The following ATP10B variants were observed in gnomAD, a reference collection of about 807,000 sequenced individuals.
ATP10B encodes the protein ATPase phospholipid transporting 10B (putative).
In ATP10B, 122 loss-of-function variants were observed where a neutral mutation model predicts 141.2. That is an observed-to-expected ratio of 0.86 (90% CI 0.75 to 1.00). The LOEUF is 1.00. ATP10B is among the 50% of genes least tolerant of loss of function. The pLI, the probability that ATP10B is intolerant of heterozygous loss-of-function variation, is 0.00. For synonymous variants in ATP10B, 685 were observed against 692.0 expected, an observed-to-expected ratio of 0.99 and a Z score of 0.16; for missense variants, 1,876 against 1,825.3, an observed-to-expected ratio of 1.03 and a Z score of -0.51.
intron 1 of ATP10B, among the ~76,000 whole-genome samples, chr5:160,801,364 G>A (rs1772359976): frequency 6.6e-6 from 1 of 152,094 alleles, no homozygotes; most frequent in South Asian, 2.1e-4. Context: ...GCCTCTCCTT[G>A]TATCACCTAT....
intron 1 of ATP10B, among the ~76,000 whole-genome samples, chr5:160,850,593 G>T (rs753141511): frequency 2.6e-5 from 4 of 152,196 alleles, no homozygotes; most frequent in South Asian, 4.1e-4. Context: ...TCAGAGCTCC[G>T]TTCCTTTGAA....
chr5:160,855,692 C>A (rs1392481922), upstream of ATP10B, among the ~76,000 whole-genome samples: 1 of 151,610 alleles, frequency 6.6e-6, no homozygotes, highest in Non-Finnish European at 1.5e-5. Flanking sequence ...AAATATTTAT[C>A]CTATTTCTCT....
the ATP10B span, among the ~76,000 whole-genome samples, chr5:160,878,351 T>A: frequency 1.3e-5 from 2 of 151,652 alleles, no homozygotes; most frequent in South Asian, 2.1e-4. Context: ...TGAAACTGGA[T>A]CCCTTCCTTA....
the ATP10B span, among the ~76,000 whole-genome samples, chr5:160,858,926 C>A: frequency 4.0e-5 from 6 of 151,772 alleles, no homozygotes; most frequent in Non-Finnish European, 7.4e-5. Flanking sequence ...TGAAACGTGT[C>A]ATAATTTTTA....
chr5:160,836,800 G>A (rs1775465737), intron 1 of ATP10B, among the ~76,000 whole-genome samples: 1 of 151,942 alleles, frequency 6.6e-6, no homozygotes, highest in African/African-American at 2.4e-5. Context: ...CTTCCTTCAA[G>A]GAGCCTCCCT....
intron 2 of ATP10B, among the ~76,000 whole-genome samples, chr5:160,770,944 T>C (rs1203768683): frequency 6.6e-6 from 1 of 152,210 alleles, no homozygotes; most frequent in African/African-American, 2.4e-5. Context: ...GTGGACACCA[T>C]ACACTAGGTC....
chr5:160,723,651 C>G (rs536520688), intron 2 of ATP10B, among the ~76,000 whole-genome samples: 1 of 152,164 alleles, frequency 6.6e-6, no homozygotes, highest in Non-Finnish European at 1.5e-5. Flanking sequence ...CTCTCTCGCT[C>G]TCTTTTCCTG....
At chr5:160,917,705 T>G in the ATP10B span, among the ~76,000 whole-genome samples, 23 of 152,250 alleles carry the variant, frequency 1.5e-4, no homozygotes, top group East Asian at 4.1e-3. Flanking sequence ...CAGATTCAGG[T>G]GAGACATATT....
chr5:160,754,668 TGTTA>T (rs1446747981), intron 2 of ATP10B, among the ~76,000 whole-genome samples: 2 of 152,204 alleles, frequency 1.3e-5, no homozygotes, highest in East Asian at 3.9e-4. Flanking sequence ...ATTATTGCCT[TGTTA>T]GTTCTTTGTG....
chr5:160,824,437 G>A (rs1427680379), intron 1 of ATP10B, among the ~76,000 whole-genome samples: 1 of 152,218 alleles, frequency 6.6e-6, no homozygotes, highest in Non-Finnish European at 1.5e-5. Flanking sequence ...TCCCAGGCAA[G>A]AGGCATGCCA....
At chr5:160,837,109 T>C (rs1775492362) in intron 1 of ATP10B, among the ~76,000 whole-genome samples, 1 of 152,156 alleles carries the variant, frequency 6.6e-6, no homozygotes, top group Admixed American at 6.6e-5. Context: ...GTCCATCATG[T>C]TTTCTCATCA....
intron 13 of ATP10B, among the ~76,000 whole-genome samples, chr5:160,624,469 T>A (rs1264422568): frequency 6.6e-6 from 1 of 152,224 alleles, no homozygotes; most frequent in Non-Finnish European, 1.5e-5. Flanking sequence ...AAAAGTCTAC[T>A]TACCAGAAGC....
Position 160,598,788 on chromosome 5 carries a change from C to G in ATP10B, c.3546G>C (p.Lys1182Asn), listed in dbSNP as rs1472834599. The G allele has an allele frequency of 1.9e-6, 3 of 1,614,104 alleles. No homozygotes were observed. The highest frequency in any genetic ancestry group is 2.7e-5 in the African/African-American group (2 of 75,052). ...ETLLALPELY[K>N]SGQNSECYNL... ...TCCTTACCTCAGAGTTCTGGCCACT[C>G]TTGTATAGCTCAGGCAATGCCAGGA... The change falls in exon 22 of 26, where the codon AAG becomes AAC. Residue 1182 changes from lysine to asparagine, a missense_variant. Coordinates refer to ENST00000327245, the MANE Select transcript of ATP10B (RefSeq NM_025153.3).
At chr5:160,810,291 T>C (rs886752171) in intron 1 of ATP10B, among the ~76,000 whole-genome samples, 1 of 152,174 alleles carries the variant, frequency 6.6e-6, no homozygotes, top group African/African-American at 2.4e-5. Context: ...CAATTTGATA[T>C]GTAGCATTTT....
chr5:160,745,495 C>T (rs140249534), intron 2 of ATP10B, among the ~76,000 whole-genome samples: 76 of 152,326 alleles, frequency 5.0e-4, no homozygotes, highest in African/African-American at 1.6e-3. Context: ...ATCCTCCAGG[C>T]ATTTGCATTC....
At chr5:160,804,000 C>T (rs527734015) in intron 1 of ATP10B, among the ~76,000 whole-genome samples, 1 of 152,034 alleles carries the variant, frequency 6.6e-6, no homozygotes, top group African/African-American at 2.4e-5. Flanking sequence ...CAGTTCCTGA[C>T]TGGAACTGGA....
At chr5:160,772,277 C>T (rs1383858687) in intron 2 of ATP10B, among the ~76,000 whole-genome samples, 2 of 152,238 alleles carry the variant, frequency 1.3e-5, no homozygotes, top group Non-Finnish European at 2.9e-5. Flanking sequence ...ACAAGCTCTT[C>T]TTAATACTAC....
intron 13 of ATP10B, among the ~76,000 whole-genome samples, chr5:160,626,406 G>A (rs59355611): frequency 5.3e-5 from 8 of 152,058 alleles, no homozygotes; most frequent in Admixed American, 1.3e-4. Context: ...GGCTAAGTGC[G>A]CTCACATCCA....
chr5:160,858,693 G>GT, the ATP10B span, among the ~76,000 whole-genome samples: 2 of 151,776 alleles, frequency 1.3e-5, no homozygotes, highest in South Asian at 4.2e-4. Flanking sequence ...TGTTTGAACA[G>GT]TTTTTTAGAA....
Sources: allele counts gnomAD v4.1 joint callset (sites outside exome capture counted in the v4.1 genomes callset), GRCh38; gene constraint gnomAD v4.1.1; transcripts MANE v1.5; gene names NCBI Gene and HGNC (gene_info 2026-07-23, HGNC 2026-07-21).